Variants in PDE7B observed in about 807,000 individuals in gnomAD.
The protein encoded by PDE7B is 3',5'-cyclic-AMP phosphodiesterase 7B.
A neutral mutation model predicts 56.2 loss-of-function variants in PDE7B; 29 were observed. The observed-to-expected ratio is 0.52, with a 90% confidence interval of 0.38 to 0.70. The LOEUF (loss-of-function observed/expected upper bound fraction) is 0.70. PDE7B is among the 30% of genes least tolerant of loss of function. The pLI is 0.00. For missense variants in PDE7B, 490 were observed against 565.0 expected (o/e 0.87, Z 1.35); for synonymous variants, 197 against 196.9 (o/e 1.00, Z 0.00).
chr6:136,189,444 G>C (rs1779187748), intron 12 of PDE7B, among the ~76,000 whole-genome samples: 1 of 152,124 alleles, frequency 6.6e-6, no homozygotes, highest in Non-Finnish European at 1.5e-5. Context: ...GGTGGCATGT[G>C]CCTGTAGTCC....
At chr6:135,886,452 A>G (rs966177378) in intron 1 of PDE7B, among the ~76,000 whole-genome samples, 23 of 152,032 alleles carry the variant, frequency 1.5e-4, no homozygotes, top group Non-Finnish European at 1.5e-5. Context: ...AGTGATTTCT[A>G]AGATTTTAGT....
At chr6:136,149,356 G>A (rs149915594) in intron 5 of PDE7B, among the ~76,000 whole-genome samples, 401 of 152,256 alleles carry the variant, frequency 2.6e-3, no homozygotes, top group African/African-American at 9.2e-3. Context: ...TAGAATCTTA[G>A]GACAGTTTCC....
intron 2 of PDE7B, among the ~76,000 whole-genome samples, chr6:135,999,707 A>G (rs1021175355): frequency 1.3e-5 from 2 of 151,338 alleles, no homozygotes; most frequent in African/African-American, 2.4e-5. Context: ...TATTGTGAAG[A>G]GTGTTGCAAT....
At chr6:136,054,188 G>A (rs1009312775) in intron 2 of PDE7B, among the ~76,000 whole-genome samples, 1 of 152,124 alleles carries the variant, frequency 6.6e-6, no homozygotes, top group African/African-American at 2.4e-5. Flanking sequence ...ATGGTTTTAG[G>A]TCTAACATTT....
chr6:135,995,283 C>A (rs1174677478), intron 2 of PDE7B, among the ~76,000 whole-genome samples: 1 of 151,866 alleles, frequency 6.6e-6, no homozygotes, highest in Non-Finnish European at 1.5e-5. Context: ...CACAGACATG[C>A]AACTTCCTCT....
chr6:136,031,879 A>G (rs1416722366), intron 2 of PDE7B, among the ~76,000 whole-genome samples: 1 of 152,048 alleles, frequency 6.6e-6, no homozygotes, highest in East Asian at 1.9e-4. Flanking sequence ...AAGAACCCTC[A>G]CTCAGGCATT....
rs561873041 is a variant in PDE7B at position 136,141,797 on chromosome 6, G to A, written c.167-5554G>A. ...CTGATGGTAGTTTGTATTTCTGTGG[G>A]ATCGGTGCTGATATCCCCTTTATCA... On this transcript the variant is annotated intron_variant, in intron 3 of 12. Transcript: ENST00000308191. Among the ~76,000 whole-genome samples, 25 of 152,252 alleles carry A rather than the reference G, an allele frequency of 1.6e-4. No individual in the cohort carries two copies. In the South Asian group the frequency reaches 5.0e-3, roughly 30 times the overall value.
At chr6:136,020,918 T>C (rs537711448) in intron 2 of PDE7B, among the ~76,000 whole-genome samples, 3 of 152,294 alleles carry the variant, frequency 2.0e-5, no homozygotes, top group Non-Finnish European at 4.4e-5. Flanking sequence ...CATTTTACCA[T>C]TGCATGATAA....
At chr6:135,934,832 AATAT>A (rs1165182294) in intron 1 of PDE7B, among the ~76,000 whole-genome samples, 2 of 110,350 alleles carry the variant, frequency 1.8e-5, no homozygotes, top group Admixed American at 2.3e-4. Flanking sequence ...TTAATAAATA[AATAT>A]ATATATTTAT....
At chr6:135,947,381 G>T (rs773041926) in intron 1 of PDE7B, 83 bp from the exon 2 acceptor site, 126 of 1,030,714 alleles carry the variant, frequency 1.2e-4, no homozygotes, top group Non-Finnish European at 1.5e-4. Flanking sequence ...TAATGTTATG[G>T]TAATGTCAGG....
chr6:136,025,091 T>C (rs1282928557), intron 2 of PDE7B, among the ~76,000 whole-genome samples: 1 of 152,202 alleles, frequency 6.6e-6, no homozygotes, highest in Non-Finnish European at 1.5e-5. Flanking sequence ...GTACTTGATT[T>C]TGCAACACCA....
intron 1 of PDE7B, among the ~76,000 whole-genome samples, chr6:135,912,162 G>A (rs952588822): frequency 6.6e-6 from 1 of 152,168 alleles, no homozygotes; most frequent in African/African-American, 2.4e-5. Flanking sequence ...CATAAGCGAA[G>A]AGTTGCTATA....
rs1779302991 is a variant in PDE7B, at chr6:136,195,560, TTCTTTAAAATA to T, written c.*3723_*3733del. The T allele has an allele frequency of 6.6e-6, 1 of 151,672 alleles. No individual in the cohort carries two copies. Among genetic ancestry groups the T allele is most frequent in the Admixed American group, 6.6e-5 (1 of 15,234 alleles). 9.4% of individuals were successfully genotyped at this position (151,672 alleles called of 1,614,324 possible). ...ATGAACAAATAAAAATAAAGATAAT[TTCTTTAAAATA>T]TCACAAGATGAAAATATCCTAATTC... On this transcript the variant is annotated 3_prime_UTR_variant, in exon 13 of 13. Transcript: ENST00000308191.
intron 1 of PDE7B, among the ~76,000 whole-genome samples, chr6:135,862,145 T>G (rs1468759810): frequency 6.6e-6 from 1 of 151,852 alleles, no homozygotes; most frequent in Non-Finnish European, 1.5e-5. Context: ...GAAGGGGTAA[T>G]CGTGGCAATA....
At chr6:135,909,182 A>T (rs1208370391) in intron 1 of PDE7B, among the ~76,000 whole-genome samples, 1 of 152,156 alleles carries the variant, frequency 6.6e-6, no homozygotes, top group East Asian at 1.9e-4. Flanking sequence ...AAGAAAAAAA[A>T]ATTCGGAGTG....
intron 8 of PDE7B, among the ~76,000 whole-genome samples, chr6:136,159,564 T>TA (rs1251320227): frequency 1.3e-5 from 2 of 152,236 alleles, no homozygotes; most frequent in Non-Finnish European, 2.9e-5. Context: ...AAGGAGCTTC[T>TA]ATTCCACTGA....
chr6:135,935,182 ATATTTATT>A (rs67257615), intron 1 of PDE7B, among the ~76,000 whole-genome samples: 1 of 51,318 alleles, frequency 1.9e-5, no homozygotes, highest in Admixed American at 2.9e-4. Flanking sequence ...TTATATATAT[ATATTTATT>A]TATATATATA....
chr6:135,948,123 G>A (rs986921262), intron 2 of PDE7B, among the ~76,000 whole-genome samples: 2 of 151,776 alleles, frequency 1.3e-5, no homozygotes, highest in African/African-American at 2.4e-5. Flanking sequence ...CATTTTATAG[G>A]TTAGAAACAA....
chr6:135,906,583 C>T (rs942702969), intron 1 of PDE7B, among the ~76,000 whole-genome samples: 11 of 152,068 alleles, frequency 7.2e-5, no homozygotes, highest in Non-Finnish European at 1.5e-4. Flanking sequence ...AAGAGGAAGA[C>T]GCTAGAAATG....
Sources: gnomAD v4.1 joint callset for allele counts (sites outside exome capture counted in the v4.1 genomes callset) on GRCh38, gnomAD v4.1.1 for gene constraint, MANE v1.5 for transcripts, NCBI Gene and HGNC (gene_info 2026-07-23, HGNC 2026-07-21) for gene names.